NXPH2: variants seen among roughly 807,000 people sequenced by gnomAD.
NXPH2 encodes the protein neurexophilin-2.
NXPH2 carries 5 observed loss-of-function variants against 19.8 expected under a neutral mutation model. That is an observed-to-expected ratio of 0.25 (90% confidence interval 0.13 to 0.53). The LOEUF is 0.53. NXPH2 is among the 20% of genes least tolerant of loss of function. The pLI is 0.96. For synonymous variants in NXPH2, 154 were observed against 127.4 expected, an observed-to-expected ratio of 1.21 and a Z score of -1.41; for missense variants, 289 against 322.8, an observed-to-expected ratio of 0.90 and a Z score of 0.80.
chr2:138,711,859 G>T (rs1236712858), intron 1 of NXPH2, among the ~76,000 whole-genome samples: 2 of 152,176 alleles, frequency 1.3e-5, no homozygotes, highest in African/African-American at 4.8e-5. Flanking sequence ...GTGTTTCCAT[G>T]ATCACTCTAG....
rs1445112537 is a variant in NXPH2 at position 138,671,093 on chromosome 2, G to A, written c.624C>T (p.Ser208=). ...KKTALCNFDP[S]KICYQEQTQS... ...GAGTCTGCTCCTGGTAGCAGATCTT[G>A]GATGGGTCAAAGTTGCACAGGGCGG... The change falls in exon 2 of 2, where the codon TCC becomes TCT. Residue 208 remains serine (S), a synonymous_variant. Coordinates refer to ENST00000272641, the MANE Select transcript of NXPH2 (RefSeq NM_007226.3). The A allele has an allele frequency of 1.9e-6, 3 of 1,613,836 alleles. No homozygotes were observed. Among genetic ancestry groups the A allele is most frequent in the South Asian group, 1.1e-5 (1 of 91,078 alleles).
intron 1 of NXPH2, among the ~76,000 whole-genome samples, chr2:138,690,179 A>G (rs1323585478): frequency 1.3e-5 from 2 of 152,156 alleles, no homozygotes; most frequent in Non-Finnish European, 2.9e-5. Flanking sequence ...CCACTGGCTC[A>G]ACCCAGAGCC....
chr2:138,771,604 C>T lies in NXPH2; in HGVS notation c.51+8587G>A, dbSNP rs368938575. Among the ~76,000 whole-genome samples the T allele has an allele frequency of 2.1e-4, 32 of 152,238 alleles. No homozygotes were observed. The East Asian group carries it at 2.9e-3, about 14-fold the overall frequency. ...GGGAAGCCTTGCTAAGGGAGCAGGG[C>T]AGCTGGTGAAAGAATGGGAAAAAAG... On this transcript the variant is annotated intron_variant, in intron 1 of 1. Coordinates refer to ENST00000272641, the MANE Select transcript of NXPH2 (RefSeq NM_007226.3).
chr2:138,685,275 C>T (rs1558913162), intron 1 of NXPH2, among the ~76,000 whole-genome samples: 1 of 152,174 alleles, frequency 6.6e-6, no homozygotes, highest in Non-Finnish European at 1.5e-5. Flanking sequence ...TCCCTATAAT[C>T]ATGTGAGCCA....
intron 1 of NXPH2, among the ~76,000 whole-genome samples, chr2:138,704,348 GC>G (rs139699527): frequency 0.019 from 2,938 of 152,288 alleles, 116 homozygotes; most frequent in African/African-American, 0.068. Flanking sequence ...TAGAATCACT[GC>G]CCCTTAAAGA....
At chr2:138,762,250 G>A (rs1352826895) in intron 1 of NXPH2, among the ~76,000 whole-genome samples, 1 of 152,104 alleles carries the variant, frequency 6.6e-6, no homozygotes, top group African/African-American at 2.4e-5. Context: ...TCTTTCTCCA[G>A]ATTTTGCACC....
intron 1 of NXPH2, among the ~76,000 whole-genome samples, chr2:138,772,267 T>C (rs1248127451): frequency 6.6e-6 from 1 of 152,026 alleles, no homozygotes; most frequent in Non-Finnish European, 1.5e-5. Context: ...GCTGAGACCC[T>C]TGGCAACTGG....
intron 1 of NXPH2, among the ~76,000 whole-genome samples, chr2:138,766,588 C>A (rs1049663418): frequency 3.3e-5 from 5 of 152,130 alleles, no homozygotes; most frequent in African/African-American, 1.2e-4. Context: ...GTACACCCTG[C>A]CCTACAGCAT....
At chr2:138,772,285 G>A (rs2104844694) in intron 1 of NXPH2, among the ~76,000 whole-genome samples, 1 of 138,770 alleles carries the variant, frequency 7.2e-6, no homozygotes, top group South Asian at 2.3e-4. Flanking sequence ...TGGCCTCCAT[G>A]AGGTTAAATT....
chr2:138,770,209 C>T (rs1292477700), intron 1 of NXPH2, among the ~76,000 whole-genome samples: 1 of 152,070 alleles, frequency 6.6e-6, no homozygotes, highest in African/African-American at 2.4e-5. Context: ...TAACTCTTTC[C>T]AGAAGTGAGG....
intron 1 of NXPH2, among the ~76,000 whole-genome samples, chr2:138,695,319 C>CA (rs1267793007): frequency 6.6e-6 from 1 of 152,064 alleles, no homozygotes; most frequent in Non-Finnish European, 1.5e-5. Flanking sequence ...TTCATGGTAG[C>CA]AACATAAATT....
chr2:138,733,886 G>A (rs942806077), intron 1 of NXPH2, among the ~76,000 whole-genome samples: 5 of 152,168 alleles, frequency 3.3e-5, no homozygotes, highest in Admixed American at 6.6e-5. Context: ...AACTACATCA[G>A]GAAAAGAAAA....
At chr2:138,755,719 A>G (rs951275826) in intron 1 of NXPH2, among the ~76,000 whole-genome samples, 2 of 152,136 alleles carry the variant, frequency 1.3e-5, no homozygotes, top group African/African-American at 4.8e-5. Flanking sequence ...GCCTGCTTGA[A>G]TTTAAATTGG....
At chr2:138,682,651 T>C (rs1469017486) in intron 1 of NXPH2, among the ~76,000 whole-genome samples, 1 of 152,182 alleles carries the variant, frequency 6.6e-6, no homozygotes, top group Non-Finnish European at 1.5e-5. Flanking sequence ...TATCTTTTAA[T>C]AGCTACCCTT....
intron 1 of NXPH2, among the ~76,000 whole-genome samples, chr2:138,698,300 A>G (rs772544170): frequency 1.1e-4 from 16 of 152,184 alleles, no homozygotes; most frequent in Non-Finnish European, 2.2e-4. Context: ...AATAGTTACG[A>G]AATTGTATAT....
intron 1 of NXPH2, among the ~76,000 whole-genome samples, chr2:138,719,746 A>G (rs1681247792): frequency 6.6e-6 from 1 of 152,162 alleles, no homozygotes; most frequent in Non-Finnish European, 1.5e-5. Context: ...TAAATATATT[A>G]TTAAAATTAG....
chr2:138,671,649 T>C lies in NXPH2; in HGVS notation c.68A>G (p.Lys23Arg). Reference protein sequence around the residue: ...GLLQLLFCDSKEVVHATEGLD... With the variant: ...GLLQLLFCDSREVVHATEGLD... ...CCCCTCCGTGGCATGCACCACTTCCTTACTGTCACAAAATAGCTGTTTGAA... is the reference window on the plus strand; with the variant it reads ...CCCCTCCGTGGCATGCACCACTTCCCTACTGTCACAAAATAGCTGTTTGAA... The change falls in exon 2 of 2, where the codon AAG becomes AGG. Residue 23 changes from lysine (K) to arginine (R), a missense_variant. By Grantham distance (26) the Lys-to-Arg change is conservative. Transcript: ENST00000272641. 6.4e-7 allele frequency: 1 copy of C among 1,560,514 alleles called. No individual in the cohort carries two copies. Among genetic ancestry groups the C allele is most frequent in the South Asian group, 1.2e-5 (1 of 82,628 alleles).
At chr2:138,752,339 C>T (rs547913318) in intron 1 of NXPH2, among the ~76,000 whole-genome samples, 2 of 152,190 alleles carry the variant, frequency 1.3e-5, no homozygotes, top group Admixed American at 6.5e-5. Flanking sequence ...AAATTAACAA[C>T]GGAGAATTCA....
chr2:138,739,004 A>T (rs956061446), intron 1 of NXPH2, among the ~76,000 whole-genome samples: 9 of 152,176 alleles, frequency 5.9e-5, no homozygotes, highest in African/African-American at 2.2e-4. Context: ...TGGGAAACAG[A>T]GTTATTTTTT....
Sources: allele counts gnomAD v4.1 joint callset (sites outside exome capture counted in the v4.1 genomes callset), GRCh38; gene constraint gnomAD v4.1.1; transcripts MANE v1.5; gene names NCBI Gene and HGNC (gene_info 2026-07-23, HGNC 2026-07-21).